IQCM: variants seen among roughly 807,000 people sequenced by gnomAD.
IQCM encodes IQ motif containing M, also known as IQ domain-containing protein M.
Under a neutral mutation model 57.6 loss-of-function variants are expected in IQCM, and 45 were observed. That is an observed-to-expected ratio of 0.78 (90% CI 0.62 to 1.00). The LOEUF (loss-of-function observed/expected upper bound fraction) is 1.00, where lower values mean the gene tolerates loss of function less well. IQCM is among the 50% of genes least tolerant of loss of function. The pLI, the probability that IQCM is intolerant of heterozygous loss-of-function variation, is 0.00. For synonymous variants in IQCM, 148 were observed against 158.9 expected (o/e 0.93, Z 0.51); for missense variants, 468 against 511.6 (o/e 0.91, Z 0.82).
At chr4:149,502,159 C>T (rs970418479) in intron 12 of IQCM, among the ~76,000 whole-genome samples, 4 of 151,806 alleles carry the variant, frequency 2.6e-5, no homozygotes, top group Non-Finnish European at 4.4e-5. Context: ...TATACACACA[C>T]ACACACACAC....
chr4:149,729,280 G>A (rs1415964399), intron 5 of IQCM, among the ~76,000 whole-genome samples: 7 of 151,998 alleles, frequency 4.6e-5, no homozygotes, highest in African/African-American at 1.4e-4. Flanking sequence ...GAGGTTGTAC[G>A]GCTTGTGTCA....
intron 12 of IQCM, among the ~76,000 whole-genome samples, chr4:149,495,849 T>C (rs1291033296): frequency 3.9e-5 from 6 of 152,248 alleles, no homozygotes; most frequent in Admixed American, 6.5e-5. Context: ...CTAAAAACAA[T>C]TGACACCAAA....
At chr4:149,485,393 G>A (rs947603186) in intron 12 of IQCM, among the ~76,000 whole-genome samples, 44 of 151,320 alleles carry the variant, frequency 2.9e-4, no homozygotes, top group African/African-American at 1.1e-3. Context: ...ATGCTTTATT[G>A]TTTTTTATTC....
At chr4:149,668,277 G>T (rs574706733) in intron 7 of IQCM, among the ~76,000 whole-genome samples, 1 of 152,088 alleles carries the variant, frequency 6.6e-6, no homozygotes, top group Non-Finnish European at 1.5e-5. Flanking sequence ...AATATTCAAC[G>T]TTCTTAAATA....
chr4:149,713,408 C>A (rs988035876), intron 5 of IQCM, among the ~76,000 whole-genome samples: 1 of 152,144 alleles, frequency 6.6e-6, no homozygotes, highest in Non-Finnish European at 1.5e-5. Flanking sequence ...TTTCTATCCA[C>A]CCTGTGGTGT....
intron 7 of IQCM, among the ~76,000 whole-genome samples, chr4:149,661,949 T>C (rs1760258260): frequency 6.6e-6 from 1 of 152,100 alleles, no homozygotes; most frequent in South Asian, 2.1e-4. Context: ...TTATTTTTGC[T>C]CTGAGATTTA....
chr4:149,472,862 A>G (rs1027114680), intron 12 of IQCM, among the ~76,000 whole-genome samples: 1 of 152,194 alleles, frequency 6.6e-6, no homozygotes, highest in African/African-American at 2.4e-5. Context: ...ACAAAAAAAA[A>G]GAAATGGAGA....
intron 2 of IQCM, among the ~76,000 whole-genome samples, chr4:149,794,978 A>C (rs1772984187): frequency 6.6e-6 from 1 of 152,170 alleles, no homozygotes; most frequent in South Asian, 2.1e-4. Flanking sequence ...GACATCTATT[A>C]TAATTACATT....
intron 13 of IQCM, among the ~76,000 whole-genome samples, chr4:149,394,473 G>GT: frequency 6.6e-6 from 1 of 151,946 alleles, no homozygotes; most frequent in Admixed American, 6.6e-5. Context: ...TCCAAGCAAT[G>GT]TTTGGGTTCT....
chr4:149,768,420 A>G (rs1005486822), intron 2 of IQCM, among the ~76,000 whole-genome samples: 4 of 152,188 alleles, frequency 2.6e-5, no homozygotes, highest in African/African-American at 7.2e-5. Context: ...ATGGATAAGT[A>G]CAATAAATTT....
chr4:149,395,841 C>T (rs1732187346), intron 13 of IQCM, among the ~76,000 whole-genome samples: 1 of 151,912 alleles, frequency 6.6e-6, no homozygotes, highest in Non-Finnish European at 1.5e-5. Context: ...ATCCTTGTAA[C>T]CCTGAAAACA....
At chr4:149,611,209 A>G (rs911034907) in intron 8 of IQCM, among the ~76,000 whole-genome samples, 1 of 152,062 alleles carries the variant, frequency 6.6e-6, no homozygotes, top group African/African-American at 2.4e-5. Flanking sequence ...GGAATAATGG[A>G]TGCTGGTGAG....
At chr4:149,734,020 C>T (rs1766705428) in intron 4 of IQCM, among the ~76,000 whole-genome samples, 1 of 152,062 alleles carries the variant, frequency 6.6e-6, no homozygotes, top group Admixed American at 6.6e-5. Flanking sequence ...CATTTCATAT[C>T]CTTTAATCAT....
chr4:149,568,604 A>G (rs1750856587), intron 9 of IQCM, among the ~76,000 whole-genome samples: 1 of 152,196 alleles, frequency 6.6e-6, no homozygotes, highest in Non-Finnish European at 1.5e-5. Context: ...CTGAGCCACA[A>G]GGTGAAACTC....
At chr4:149,560,548 A>T (rs1199166386) in intron 10 of IQCM, among the ~76,000 whole-genome samples, 7 of 152,210 alleles carry the variant, frequency 4.6e-5, no homozygotes, top group African/African-American at 9.6e-5. Context: ...TTTTAATATC[A>T]TTATTACTTA....
chr4:149,462,761 C>T lies in IQCM; in HGVS notation c.1229-29204G>A, dbSNP rs533092352. Among the ~76,000 whole-genome samples, 99 of 152,284 alleles carry T rather than the reference C, an allele frequency of 6.5e-4. No homozygotes were observed. The Middle Eastern group carries it at 0.01, about 16-fold the overall frequency. ...TACAAATTGCATTCAATTCTCAGAG[C>T]TGGGTTTACACCACAGTTGGAGAGC... On this transcript the variant is annotated intron_variant, in intron 12 of 13. Coordinates refer to ENST00000636793, the MANE Select transcript of IQCM (RefSeq NM_001363507.2).
intron 13 of IQCM, among the ~76,000 whole-genome samples, chr4:149,384,993 C>G (rs1425798804): frequency 2.0e-5 from 3 of 151,974 alleles, no homozygotes; most frequent in Non-Finnish European, 4.4e-5. Flanking sequence ...CCATCCACTT[C>G]AGAGCTCCAT....
chr4:149,793,698 A>G (rs1363837329), intron 2 of IQCM: 2 of 152,180 alleles, frequency 1.3e-5, no homozygotes, highest in Admixed American at 1.3e-4. Context: ...TCTGTCCAGC[A>G]TTCAGTCCAT....
At chr4:149,564,286 A>G (rs1750404274) in intron 9 of IQCM, among the ~76,000 whole-genome samples, 1 of 152,202 alleles carries the variant, frequency 6.6e-6, no homozygotes, top group South Asian at 2.1e-4. Flanking sequence ...GCTGTTAACC[A>G]AACGTCATCA....
Sources: gnomAD v4.1 joint callset for allele counts (sites outside exome capture counted in the v4.1 genomes callset) on GRCh38, gnomAD v4.1.1 for gene constraint, MANE v1.5 for transcripts, NCBI Gene and HGNC (gene_info 2026-07-23, HGNC 2026-07-21) for gene names.